BAZ2A: variants seen among roughly 807,000 people sequenced by gnomAD.
BAZ2A encodes the protein bromodomain adjacent to zinc finger domain protein 2A.
A neutral mutation model predicts 199.9 loss-of-function variants in BAZ2A; 34 were observed. That is an observed-to-expected ratio of 0.17 (90% confidence interval 0.13 to 0.23). The LOEUF (loss-of-function observed/expected upper bound fraction) is 0.23, where lower values mean the gene tolerates loss of function less well. Ranked by LOEUF, BAZ2A falls within the 10% of genes least tolerant of loss-of-function variation. The pLI, the probability that BAZ2A is intolerant of heterozygous loss-of-function variation, is 1.00. For synonymous variants in BAZ2A, 857 were observed against 883.9 expected, an observed-to-expected ratio of 0.97 and a Z score of 0.54; for missense variants, 2,002 against 2,391.1, an observed-to-expected ratio of 0.84 and a Z score of 3.39.
In BAZ2A at chr12:56,597,441, G is replaced by T. The variant is rs1885916479; in HGVS notation, c.*1177C>A. The T allele has an allele frequency of 6.6e-6, 1 of 152,256 alleles. No homozygotes were observed. Among genetic ancestry groups the T allele is most frequent in the Non-Finnish European group, 1.5e-5 (1 of 68,000 alleles). The allele number at this position is 152,256 out of a possible 1,614,324, so 9.4% of individuals were successfully genotyped here. On this transcript the variant is annotated 3_prime_UTR_variant, in exon 29 of 29. Transcript: ENST00000549884. ...ACACAGCCTTGTCTCCAGAGAAATT[G>T]TTCCTGTGGTTTCCCAAAGACAAAA...
upstream of BAZ2A, chr12:56,630,850 C>T (rs1475259924): frequency 6.1e-6 from 6 of 985,370 alleles, no homozygotes; most frequent in Non-Finnish European, 7.2e-6. Context: ...CCCTGGTCAC[C>T]GGAAAGGAAA....
At chr12:56,628,225 A>G (rs1264725363) in intron 1 of BAZ2A, among the ~76,000 whole-genome samples, 1 of 151,520 alleles carries the variant, frequency 6.6e-6, no homozygotes, top group South Asian at 2.1e-4. Flanking sequence ...AAAGAAAAGA[A>G]AAAGAAAAGA....
intron 1 of BAZ2A, among the ~76,000 whole-genome samples, chr12:56,624,084 TAA>T (rs61664495): frequency 4.8e-4 from 63 of 131,984 alleles, no homozygotes; most frequent in Admixed American, 8.5e-4. Context: ...ATCTCTACAC[TAA>T]AAAAAAAAAA....
chr12:56,605,250 C>G lies in BAZ2A; in HGVS notation c.2571G>C (p.Glu857Asp). 6.2e-7 allele frequency: 1 copy of G among 1,613,856 alleles called. No homozygotes were observed. Among genetic ancestry groups the G allele is most frequent in the Non-Finnish European group, 8.5e-7 (1 of 1,179,858 alleles). Residue 857 changes from glutamate (E) to aspartate (D), a missense_variant, in exon 14 of 29, where the codon GAG (glutamate) becomes GAC (aspartate). Glu to Asp is a conservative substitution (Grantham distance 45). Transcript: ENST00000549884. ...GCACCTTGCCAAAGCTATGCAGGAA[C>G]TCCACAATGGTCAAGCAGTCTGAGA... Reference protein sequence around the residue: ...GAFSDCLTIVEFLHSFGKVLG... With the variant: ...GAFSDCLTIVDFLHSFGKVLG...
chr12:56,637,178 A>G (rs1951468012), upstream of BAZ2A, among the ~76,000 whole-genome samples: 1 of 152,220 alleles, frequency 6.6e-6, no homozygotes, highest in African/African-American at 2.4e-5. Flanking sequence ...GAGTTCTTGC[A>G]GAGTCTCCAG....
rs1203316152 is a variant in BAZ2A at position 56,600,227 on chromosome 12, A to C, written c.4866T>G (p.Gly1622=). The change falls in exon 24 of 29, where the codon GGT becomes GGG. Residue 1622 remains glycine, a synonymous_variant. Coordinates refer to ENST00000549884, the MANE Select transcript of BAZ2A (RefSeq NM_001300905.2). ...LEKALLSTPN[G]APEGTTTEIS... Reference sequence around the variant, plus strand: ...TCTCTGTAGTGGTGCCCTCAGGGGCACCATTAGGTGTGCTAAGCAGGGCCT... The same window carrying C: ...TCTCTGTAGTGGTGCCCTCAGGGGCCCCATTAGGTGTGCTAAGCAGGGCCT... 1 of 1,613,938 alleles carries C rather than the reference A, an allele frequency of 6.2e-7. No individual in the cohort carries two copies. The highest frequency in any genetic ancestry group is 8.5e-7 in the Non-Finnish European group (1 of 1,179,848).
chr12:56,602,678 G>A (rs1201850499), intron 19 of BAZ2A, 35 bp downstream of exon 19: 3 of 1,594,060 alleles, frequency 1.9e-6, no homozygotes, highest in Non-Finnish European at 2.6e-6. Context: ...TTGTTTGATA[G>A]GACTCAGAAT....
rs1950530494 is a variant in BAZ2A at position 56,610,625 on chromosome 12, T to A, written c.1671-108A>T. 3.3e-6 allele frequency: 3 copies of A among 920,664 alleles called. No individual in the cohort carries two copies. In the Admixed American group the frequency reaches 7.1e-5, roughly 22 times the overall value. The allele number at this position is 920,664 out of a possible 1,614,324, so 57.0% of individuals were successfully genotyped here. ...AGATGGCCCTCCCCACATTTGTATC[T>A]CTAGAACTGCATGCAGATGCAAAAG... On this transcript the variant is annotated intron_variant, in intron 7 of 28. Transcript: ENST00000549884.
In BAZ2A at chr12:56,601,249, G is replaced by A; in HGVS notation, c.4225C>T (p.Pro1409Ser). 6.2e-7 allele frequency: 1 copy of A among 1,614,036 alleles called. No homozygotes were observed. The highest frequency in any genetic ancestry group is 1.3e-5 in the African/African-American group (1 of 75,046). The change falls in exon 21 of 29, where the codon CCC becomes TCC. Residue 1409 changes from proline to serine, a missense_variant. This residue lies in a region of BAZ2A where 1,081 missense variants were observed against 1,274.7 expected (regional missense o/e 0.85). Transcript: ENST00000549884. ...LGQPKRRGRP[P>S]SKFFKQMEQR... The stretch of plus-strand genomic sequence containing the variant: ...TCCATCTGTTTGAAGAACTTACTGG[G>A]AGGTCTCCCTCTCCGTTTGGGCTGT...
Position 56,601,850 on chromosome 12 carries a change from C to A in BAZ2A, c.3767G>T (p.Gly1256Val), listed in dbSNP as rs932029596. The A allele has an allele frequency of 8.1e-6, 13 of 1,613,838 alleles. No individual in the cohort carries two copies. The highest frequency in any genetic ancestry group is 4.4e-5 in the South Asian group (4 of 91,084). ...CTGGCTGAGGTCATGCTGGCTCTGA[C>A]CCAGTGACAAAGGGGAGCCTTCTTG... ...LEQEGSPLSLGQSQHDLSQSA... is the reference protein window; with the variant it reads ...LEQEGSPLSLVQSQHDLSQSA... Residue 1256 changes from glycine (G) to valine (V), a missense_variant, in exon 20 of 29, where the codon GGT (glycine) becomes GTT (valine). Gly to Val is a moderately radical substitution (Grantham distance 109). Transcript: ENST00000549884.
Position 56,615,032 on chromosome 12 carries a change from G to C in BAZ2A, c.712C>G (p.Leu238Val). The change falls in exon 3 of 29, where the codon CTG becomes GTG. Residue 238 changes from leucine (L) to valine (V), a missense_variant. This residue lies in a region of BAZ2A where 641 missense variants were observed against 694.5 expected (regional missense o/e 0.92). Transcript: ENST00000549884. Reference sequence around the variant, plus strand: ...GTTATACCTGGCTGCTCTTCTTCCAGCTCCAAGCTGCCTACCAAGCCAGTG... The same window carrying C: ...GTTATACCTGGCTGCTCTTCTTCCACCTCCAAGCTGCCTACCAAGCCAGTG... ...NGTGLVGSLE[L>V]EEEQPELKMC... The C allele has an allele frequency of 1.2e-6, 2 of 1,612,492 alleles. No individual in the cohort carries two copies. Among genetic ancestry groups the C allele is most frequent in the South Asian group, 1.1e-5 (1 of 90,612 alleles).
At chr12:56,637,952 T>TA (rs1951482366), upstream of BAZ2A, among the ~76,000 whole-genome samples, 2 of 152,272 alleles carry the variant, frequency 1.3e-5, no homozygotes, top group Admixed American at 1.3e-4. Context: ...AACTGCTTCT[T>TA]ATAGCCACTC....
At chr12:56,621,127 G>A in intron 1 of BAZ2A, 3 of 985,346 alleles carry the variant, frequency 3.0e-6, no homozygotes, top group Non-Finnish European at 3.6e-6. Flanking sequence ...CTCCCCTGGT[G>A]TGGAGGATAC....
At chr12:56,605,365 A>C in intron 13 of BAZ2A, 38 bp from the exon 14 acceptor site, 1 of 1,538,420 alleles carries the variant, frequency 6.5e-7, no homozygotes, top group Non-Finnish European at 8.8e-7. Context: ...TCTGTTAAAC[A>C]TAACAGAAGA....
intron 1 of BAZ2A, among the ~76,000 whole-genome samples, chr12:56,621,390 T>C (rs1950917684): frequency 1.3e-5 from 2 of 152,068 alleles, no homozygotes; most frequent in South Asian, 4.1e-4. Flanking sequence ...TCTTCTGAAC[T>C]GTCATCAGAA....
rs748886704 is a variant in BAZ2A, at chr12:56,612,036, G to A, written c.1346C>T (p.Pro449Leu). ...TGTAGAAGCTGCGGGACAAACTTCT[G>A]GAGAGATTTCTGGGGAGGCTGCTGG... ...VSPAASPEIS[P>L]EVCPAASTVV... Residue 449 changes from proline (P) to leucine (L), a missense_variant, in exon 6 of 29, where the codon CCA (proline) becomes CTA (leucine). Coordinates refer to ENST00000549884, the MANE Select transcript of BAZ2A (RefSeq NM_001300905.2). 1 of 1,613,698 alleles carries A rather than the reference G, an allele frequency of 6.2e-7. No homozygotes were observed. The highest frequency in any genetic ancestry group is 8.5e-7 in the Non-Finnish European group (1 of 1,179,806).
Position 56,615,281 on chromosome 12 carries a change from G to A in BAZ2A, c.463C>T (p.Pro155Ser). Residue 155 changes from proline to serine, a missense_variant, in exon 3 of 29, where the codon CCC (proline) becomes TCC (serine). By Grantham distance (74) the Pro-to-Ser change is moderately conservative. Transcript: ENST00000549884. ...TGTGAATCAAAGTTAAGCCCCATGG[G>A]ACTCTGGGTACCGTTGGCCCAGAAC... The part of the protein sequence containing the change: ...QEFWANGTQS[P>S]MGLNFDSQEL... 6.2e-7 allele frequency: 1 copy of A among 1,613,984 alleles called. No homozygotes were observed.
In BAZ2A at chr12:56,600,430, A is replaced by T; in HGVS notation, c.4663T>A (p.Ser1555Thr). 1 of 1,613,928 alleles carries T rather than the reference A, an allele frequency of 6.2e-7. No homozygotes were observed. Among genetic ancestry groups the T allele is most frequent in the South Asian group, 1.1e-5 (1 of 91,078 alleles). ...CAGGTGATATCCTCCTGGGAGTCGG[A>T]GAGGTGCTCACAGTAGGCCAAGTCT... ...REDLAYCEHL[S>T]DSQEDITWRG... The change falls in exon 24 of 29, where the codon TCC becomes ACC. Residue 1555 changes from serine (S) to threonine (T), a missense_variant. Ser to Thr is a moderately conservative substitution (Grantham distance 58). Coordinates refer to ENST00000549884, the MANE Select transcript of BAZ2A (RefSeq NM_001300905.2).
chr12:56,608,866 G>GTTTTTTT (rs1950459812), intron 10 of BAZ2A, among the ~76,000 whole-genome samples: 1 of 122,398 alleles, frequency 8.2e-6, no homozygotes, highest in South Asian at 2.4e-4. Context: ...ACCGTGCCTG[G>GTTTTTTT]CTTTTTTTTT....
Sources: allele counts gnomAD v4.1 joint callset (sites outside exome capture counted in the v4.1 genomes callset), GRCh38; gene constraint gnomAD v4.1.1; regional missense constraint gnomAD v4.1.1; transcripts MANE v1.5; gene names NCBI Gene and HGNC (gene_info 2026-07-23, HGNC 2026-07-21).